RAB1A: variants seen among roughly 807,000 people sequenced by gnomAD.
RAB1A encodes ras-related protein Rab-1A.
A neutral mutation model predicts 26.0 loss-of-function variants in RAB1A; 2 were observed. The observed-to-expected ratio is 0.08, with a 90% CI of 0.03 to 0.24. The LOEUF (loss-of-function observed/expected upper bound fraction) is 0.24, where lower values mean the gene tolerates loss of function less well. RAB1A is among the 10% of genes least tolerant of loss of function. The pLI is 1.00. For missense variants in RAB1A, 100 were observed against 247.0 expected (o/e 0.40, Z 3.99); for synonymous variants, 84 against 84.9 (o/e 0.99, Z 0.06).
chr2:65,129,230 C>T (rs1225874665), intron 1 of RAB1A, among the ~76,000 whole-genome samples: 1 of 150,322 alleles, frequency 6.7e-6, no homozygotes, highest in African/African-American at 2.4e-5. Context: ...CTCACAAATG[C>T]CCAGGTTTTT....
At chr2:65,121,235 G>GAAAAAAAAAAAAAAAAAAAAAA (rs34280362) in intron 1 of RAB1A, among the ~76,000 whole-genome samples, 1 of 91,390 alleles carries the variant, frequency 1.1e-5, no homozygotes, top group Non-Finnish European at 2.1e-5. Context: ...ATCATGTCTC[G>GAAAAAAAAAAAAAAAAAAAAAA]AAAAAAAAAA....
intron 2 of RAB1A, among the ~76,000 whole-genome samples, chr2:65,099,653 G>T (rs896567555): frequency 6.6e-6 from 1 of 152,148 alleles, no homozygotes; most frequent in Non-Finnish European, 1.5e-5. Context: ...AAGGGACAGG[G>T]TCTTGATGTC....
At chr2:65,126,813 G>A (rs1670111066) in intron 1 of RAB1A, among the ~76,000 whole-genome samples, 2 of 152,176 alleles carry the variant, frequency 1.3e-5, no homozygotes, top group African/African-American at 2.4e-5. Context: ...TTGTATTTGC[G>A]TGATAAAACA....
intron 1 of RAB1A, among the ~76,000 whole-genome samples, chr2:65,119,841 CAAAAA>C (rs1178958164): frequency 9.6e-3 from 348 of 36,382 alleles, no homozygotes; most frequent in African/African-American, 0.027. Context: ...CCTGTCTCTA[CAAAAA>C]AAAAAAAAAA....
intron 1 of RAB1A, among the ~76,000 whole-genome samples, chr2:65,128,404 A>G (rs1182056550): frequency 6.6e-6 from 1 of 152,228 alleles, no homozygotes; most frequent in African/African-American, 2.4e-5. Context: ...CTAAATTAAG[A>G]ACCTCAAGTT....
At chr2:65,091,999 G>T (rs556167686) in intron 3 of RAB1A, among the ~76,000 whole-genome samples, 1 of 152,202 alleles carries the variant, frequency 6.6e-6, no homozygotes, top group Non-Finnish European at 1.5e-5. Flanking sequence ...TTGGGACTGG[G>T]TACGGTGGCT....
intron 1 of RAB1A, among the ~76,000 whole-genome samples, chr2:65,106,081 G>T (rs901474927): frequency 5.3e-5 from 8 of 152,082 alleles, no homozygotes; most frequent in Admixed American, 1.3e-4. Context: ...CTCTCTTTAT[G>T]TATCTCTAAC....
chr2:65,121,933 C>A (rs1416424044), intron 1 of RAB1A, among the ~76,000 whole-genome samples: 1 of 151,890 alleles, frequency 6.6e-6, no homozygotes, highest in Non-Finnish European at 1.5e-5. Flanking sequence ...CCAAGGCAGG[C>A]GGATCACCTG....
chr2:65,111,587 A>T (rs1018263288), intron 1 of RAB1A, among the ~76,000 whole-genome samples: 6 of 152,190 alleles, frequency 3.9e-5, no homozygotes, highest in Non-Finnish European at 7.3e-5. Context: ...TGAAAAAATT[A>T]GAGAAACCAG....
At chr2:65,110,439 A>AAC (rs779746242) in intron 1 of RAB1A, among the ~76,000 whole-genome samples, 1,148 of 32,350 alleles carry the variant, frequency 0.035, 5 homozygotes, top group Non-Finnish European at 0.09. Context: ...AGACCGTCTC[A>AAC]AAAAAAAAAA....
rs914096222 is a variant in RAB1A, at chr2:65,130,012, T to C, written c.-97A>G. On this transcript the variant is annotated 5_prime_UTR_variant, in exon 1 of 6. Transcript: ENST00000409784. ...GGGTAATCGAAAGAAAGGAATGAGA[T>C]AGGCTGTTCCGGGAGAGCAAACGTC... 5 of 1,364,448 alleles carry C rather than the reference T, an allele frequency of 3.7e-6. No individual in the cohort carries two copies. The African/African-American group carries it at 4.3e-5, about 12-fold the overall frequency. The allele number at this position is 1,364,448 out of a possible 1,614,324, so 84.5% of individuals were successfully genotyped here. A position where few individuals can be genotyped will look rare whatever the true frequency, so the allele number is the denominator to read the frequency against.
At chr2:65,124,105 G>A (rs1024188600) in intron 1 of RAB1A, among the ~76,000 whole-genome samples, 1 of 151,880 alleles carries the variant, frequency 6.6e-6, no homozygotes, top group African/African-American at 2.4e-5. Flanking sequence ...TCTTGTCTCA[G>A]CCTCCTCAGT....
In RAB1A at chr2:65,109,378, T is replaced by TG. The variant is rs533080513; in HGVS notation, c.24-4573dup. Among the ~76,000 whole-genome samples the TG allele has an allele frequency of 4.3e-3, 652 of 152,098 alleles. 21 individuals carry two copies. Among genetic ancestry groups the TG allele is most frequent in the Non-Finnish European group, 3.4e-4 (23 of 67,984 alleles). ...TACAATAATATAATTTTGACTTAAGTGAAAAAAACTAAATTATGCTAGTTT... is the reference window on the plus strand; with the variant it reads ...TACAATAATATAATTTTGACTTAAGTGGAAAAAAACTAAATTATGCTAGTTT... On this transcript the variant is annotated intron_variant, in intron 1 of 5. Transcript: ENST00000409784.
At chr2:65,126,499 A>G (rs574875354) in intron 1 of RAB1A, among the ~76,000 whole-genome samples, 1 of 152,260 alleles carries the variant, frequency 6.6e-6, no homozygotes, top group East Asian at 1.9e-4. Context: ...ATGTAAACCA[A>G]TATAAATCTA....
chr2:65,105,919 C>T (rs1357640161), intron 1 of RAB1A, among the ~76,000 whole-genome samples: 2 of 152,142 alleles, frequency 1.3e-5, no homozygotes, highest in Non-Finnish European at 2.9e-5. Flanking sequence ...TGCGCCACCA[C>T]GCCCAGCTAA....
chr2:65,098,578 TG>T (rs1669344119), intron 2 of RAB1A, among the ~76,000 whole-genome samples: 2 of 152,106 alleles, frequency 1.3e-5, no homozygotes, highest in African/African-American at 4.8e-5. Flanking sequence ...GTCACCCTTT[TG>T]AAGTGGACAA....
At chr2:65,097,565 C>A (rs1443801417) in intron 3 of RAB1A, among the ~76,000 whole-genome samples, 1 of 152,196 alleles carries the variant, frequency 6.6e-6, no homozygotes, top group Non-Finnish European at 1.5e-5. Context: ...ATAAGTACTT[C>A]TCTTCAACTG....
Position 65,094,646 on chromosome 2 carries a change from G to C in RAB1A, c.192+3325C>G, listed in dbSNP as rs1232867106. 1.6e-4 allele frequency among the ~76,000 whole-genome samples: 24 copies of C among 150,984 alleles called. No individual in the cohort carries two copies. In the East Asian group the frequency reaches 4.7e-3, roughly 29 times the overall value. ...ATCAAAAACCTTAAGACCCAAACTA[G>C]AAATAATATAGCTACTGAAACAACA... On this transcript the variant is annotated intron_variant, in intron 3 of 5. Coordinates refer to ENST00000409784, the MANE Select transcript of RAB1A (RefSeq NM_004161.5).
At chr2:65,125,642 G>C (rs567284819) in intron 1 of RAB1A, among the ~76,000 whole-genome samples, 1 of 151,590 alleles carries the variant, frequency 6.6e-6, no homozygotes, top group African/African-American at 2.4e-5. Flanking sequence ...GGCTGGTCAT[G>C]ACCTCAAATG....
Sources: allele counts gnomAD v4.1 joint callset (sites outside exome capture counted in the v4.1 genomes callset), GRCh38; gene constraint gnomAD v4.1.1; transcripts MANE v1.5; gene names NCBI Gene and HGNC (gene_info 2026-07-23, HGNC 2026-07-21).